ZNF487: variants seen among roughly 807,000 people sequenced by gnomAD.
ZNF487 encodes zinc finger protein 487, also known as KRAB domain only 1.
ZNF487 carries 4 observed loss-of-function variants against 3.0 expected under a neutral mutation model. That is an observed-to-expected ratio of 1.35 (90% confidence interval 0.66 to 3.08). The LOEUF (loss-of-function observed/expected upper bound fraction) is 3.08, where lower values mean the gene tolerates loss of function less well. Ranked by LOEUF, ZNF487 falls within the 30% of genes most tolerant of loss-of-function variation. ZNF487 has a pLI of 0.01. For missense variants in ZNF487, 146 were observed against 98.7 expected (o/e 1.48, Z -2.03); for synonymous variants, 55 against 34.6 (o/e 1.59, Z -2.06).
At position 43,442,891 on chromosome 10, in the gene ZNF487, T is replaced by C. The variant is rs1049327700; in HGVS notation, c.-94+5629T>C. Among the ~76,000 whole-genome samples the C allele has an allele frequency of 1.6e-4, 25 of 152,352 alleles. 1 individual carries two copies. The highest frequency in any genetic ancestry group is 6.0e-4 in the African/African-American group (25 of 41,594). On this transcript the variant is annotated intron_variant, in intron 1 of 3. Transcript: ENST00000437590. ...ATTGGAATGATACAGAGATTAGCAA[T>C]TTAAAGTATTTTTTAAATTTATAGC... is the stretch of plus-strand genomic sequence containing the variant.
Position 43,445,577 on chromosome 10 carries a change from A to G in ZNF487, c.-94+8315A>G, listed in dbSNP as rs1475721839. On this transcript the variant is annotated intron_variant, in intron 1 of 3. Coordinates refer to ENST00000437590, the MANE Select transcript of ZNF487 (RefSeq NM_001355444.3). ...TTCATTCTGGGGCAAATTATTCCCC[A>G]CTGCTAAGGCTAGATCTTCCTGAGT... Among the ~76,000 whole-genome samples, 9 of 150,204 alleles carry G rather than the reference A, an allele frequency of 6.0e-5. No homozygotes were observed. The East Asian group carries it at 1.5e-3, about 26-fold the overall frequency.
At chr10:43,475,910 G>A in intron 2 of ZNF487, 63 bp downstream of exon 2, 1 of 677,178 alleles carries the variant, frequency 1.5e-6, no homozygotes, top group Non-Finnish European at 2.7e-6. Flanking sequence ...GCTGATTACA[G>A]ATGGTTTCTT....
At chr10:43,479,087 A>G (rs962419115) in intron 3 of ZNF487, among the ~76,000 whole-genome samples, 3 of 131,036 alleles carry the variant, frequency 2.3e-5, no homozygotes, top group East Asian at 2.3e-4. Flanking sequence ...GTATGTGTGT[A>G]TATATATATA....
chr10:43,515,205 A>C, the ZNF487 span, among the ~76,000 whole-genome samples: 1 of 152,158 alleles, frequency 6.6e-6, no homozygotes, highest in Non-Finnish European at 1.5e-5. Flanking sequence ...TGAATTAGAA[A>C]ACTCAAGCAG....
the ZNF487 span, among the ~76,000 whole-genome samples, chr10:43,516,376 C>A: frequency 0.21 from 31,680 of 152,104 alleles, 5,541 homozygotes; most frequent in African/African-American, 0.47. Flanking sequence ...CAATGAAAGA[C>A]CTTCATACTT....
the ZNF487 span, among the ~76,000 whole-genome samples, chr10:43,508,542 C>T: frequency 2.6e-5 from 4 of 152,150 alleles, no homozygotes; most frequent in African/African-American, 9.7e-5. Context: ...GGCACGGTGG[C>T]TCATGCCTGT....
At chr10:43,492,047 C>T in the ZNF487 span, among the ~76,000 whole-genome samples, 8 of 151,882 alleles carry the variant, frequency 5.3e-5, no homozygotes, top group Admixed American at 2.6e-4. Flanking sequence ...GATTCTTCCA[C>T]GTCAGCCTCC....
intron 1 of ZNF487, among the ~76,000 whole-genome samples, chr10:43,450,156 G>C (rs1342301425): frequency 6.6e-6 from 1 of 152,152 alleles, no homozygotes; most frequent in Non-Finnish European, 1.5e-5. Flanking sequence ...TGATTCTCCT[G>C]CATCAGCCTC....
intron 1 of ZNF487, among the ~76,000 whole-genome samples, chr10:43,448,581 C>T (rs936562659): frequency 2.1e-4 from 32 of 150,256 alleles, no homozygotes; most frequent in Middle Eastern, 7.2e-3. Flanking sequence ...ATTGGGAGGC[C>T]GAGGCAAGTG....
chr10:43,501,617 GTA>G, the ZNF487 span, among the ~76,000 whole-genome samples: 2 of 22,372 alleles, frequency 8.9e-5, no homozygotes, highest in Non-Finnish European at 5.1e-4. Context: ...GCATGCGCCT[GTA>G]GTCCCAGCTA....
intron 1 of ZNF487, among the ~76,000 whole-genome samples, chr10:43,465,684 G>A (rs1840669016): frequency 6.6e-6 from 1 of 151,318 alleles, no homozygotes; most frequent in Admixed American, 6.6e-5. Context: ...GGCGGGCAGA[G>A]ACGCTCCTCA....
At chr10:43,509,836 A>G in the ZNF487 span, among the ~76,000 whole-genome samples, 1 of 152,094 alleles carries the variant, frequency 6.6e-6, no homozygotes, top group African/African-American at 2.4e-5. Flanking sequence ...CATACTTTGT[A>G]TCCTTCAATA....
At chr10:43,469,825 C>T (rs1300303611) in intron 1 of ZNF487, among the ~76,000 whole-genome samples, 1 of 151,982 alleles carries the variant, frequency 6.6e-6, no homozygotes, top group African/African-American at 2.4e-5. Flanking sequence ...TGGTGTACTC[C>T]TGTAATCCTA....
chr10:43,445,854 A>G (rs1460262026), intron 1 of ZNF487, among the ~76,000 whole-genome samples: 1 of 152,086 alleles, frequency 6.6e-6, no homozygotes, highest in Non-Finnish European at 1.5e-5. Flanking sequence ...GTCCCTGGGT[A>G]CTTGAGATTA....
the ZNF487 span, among the ~76,000 whole-genome samples, chr10:43,498,098 TATTTTTTTTTTTTTTC>T: frequency 7.5e-4 from 6 of 7,984 alleles, no homozygotes; most frequent in African/African-American, 9.7e-4. Flanking sequence ...TATATATATA[TATTTTTTTTTTTTTTC>T]TTTTTTTTTT....
At chr10:43,485,409 A>G (rs909821794), downstream of ZNF487, among the ~76,000 whole-genome samples, 9 of 152,228 alleles carry the variant, frequency 5.9e-5, no homozygotes, top group Admixed American at 2.0e-4. Flanking sequence ...CACATGATTT[A>G]CATTTCCATA....
At chr10:43,478,587 GT>G (rs1841191301) in intron 3 of ZNF487, among the ~76,000 whole-genome samples, 1 of 151,966 alleles carries the variant, frequency 6.6e-6, no homozygotes, top group Non-Finnish European at 1.5e-5. Context: ...GCCAGGCATG[GT>G]CATACACCAG....
intron 1 of ZNF487, among the ~76,000 whole-genome samples, chr10:43,464,359 T>A (rs573946327): frequency 6.6e-6 from 1 of 151,478 alleles, no homozygotes; most frequent in Admixed American, 6.6e-5. Flanking sequence ...ATTGTTTGTA[T>A]TTTTATTTTA....
chr10:43,447,141 A>G (rs1461153569), intron 1 of ZNF487, among the ~76,000 whole-genome samples: 1 of 152,156 alleles, frequency 6.6e-6, no homozygotes, highest in African/African-American at 2.4e-5. Context: ...TCGAGGCAGT[A>G]CAGTCCAGCA....
Sources: gnomAD v4.1 joint callset for allele counts (sites outside exome capture counted in the v4.1 genomes callset) on GRCh38, gnomAD v4.1.1 for gene constraint, MANE v1.5 for transcripts, NCBI Gene and HGNC (gene_info 2026-07-23, HGNC 2026-07-21) for gene names.